The following XKR4 variants were observed in gnomAD, a reference collection of about 807,000 sequenced individuals.
XKR4 encodes the protein XK-related protein 4.
In XKR4, 12 loss-of-function variants were observed where a neutral mutation model predicts 53.9. The ratio of observed to expected loss-of-function variants is 0.22; its 90% CI spans 0.14 to 0.36. The LOEUF is 0.36. Among genes scored for constraint, XKR4 ranks in the 10% least tolerant of loss-of-function variants. The probability of loss-of-function intolerance (pLI) is 1.00; values close to 1 mark genes in which losing one functional copy is unlikely to be tolerated. For synonymous variants in XKR4, 354 were observed against 362.4 expected, an observed-to-expected ratio of 0.98 and a Z score of 0.26; for missense variants, 799 against 859.5, an observed-to-expected ratio of 0.93 and a Z score of 0.88.
chr8:55,513,921 G>A (rs985677565), intron 2 of XKR4, among the ~76,000 whole-genome samples: 2 of 152,206 alleles, frequency 1.3e-5, no homozygotes, highest in South Asian at 4.1e-4. Context: ...AAATGAGTGA[G>A]GGGCCAGGAA....
chr8:55,219,952 G>A lies in XKR4; in HGVS notation c.806+116658G>A, dbSNP rs6999764. ...TGTTTAGGCAATGGATTTTTTATGG[G>A]CACTAATCTGGAATTTTGTAAGAAT... On this transcript the variant is annotated intron_variant, in intron 1 of 2. Coordinates refer to ENST00000327381, the MANE Select transcript of XKR4 (RefSeq NM_052898.2). Among the ~76,000 whole-genome samples, 1,324 of 152,090 alleles carry A rather than the reference G, an allele frequency of 8.7e-3. 14 individuals are homozygous for A. Among genetic ancestry groups the A allele is most frequent in the Middle Eastern group, 0.031 (9 of 294 alleles).
intron 2 of XKR4, chr8:55,454,626 C>G: frequency 8.2e-7 from 1 of 1,215,964 alleles, no homozygotes; most frequent in East Asian, 2.4e-5. Flanking sequence ...TCTACTAGCC[C>G]CCAGCCAGGG....
chr8:55,444,151 A>G (rs909510989), intron 2 of XKR4, among the ~76,000 whole-genome samples: 1 of 152,260 alleles, frequency 6.6e-6, no homozygotes, highest in Admixed American at 6.5e-5. Flanking sequence ...AGCCTGGGCA[A>G]CAGAGCCAGA....
At chr8:55,126,580 G>A (rs1168469824) in intron 1 of XKR4, among the ~76,000 whole-genome samples, 1 of 152,154 alleles carries the variant, frequency 6.6e-6, no homozygotes, top group Non-Finnish European at 1.5e-5. Flanking sequence ...GGGTAGAGGT[G>A]GAATATGATG....
At chr8:55,153,662 GA>G (rs1816867741) in intron 1 of XKR4, among the ~76,000 whole-genome samples, 1 of 152,200 alleles carries the variant, frequency 6.6e-6, no homozygotes, top group Admixed American at 6.5e-5. Context: ...GGATTAAGAA[GA>G]ATTCCTTTCT....
chr8:55,157,380 G>A (rs576963991), intron 1 of XKR4, among the ~76,000 whole-genome samples: 1 of 152,276 alleles, frequency 6.6e-6, no homozygotes, highest in Admixed American at 6.5e-5. Context: ...TAGATAACAT[G>A]ATAAGAGGGA....
At chr8:55,464,574 A>C (rs1292737929) in intron 2 of XKR4, among the ~76,000 whole-genome samples, 2 of 152,192 alleles carry the variant, frequency 1.3e-5, no homozygotes, top group Non-Finnish European at 2.9e-5. Flanking sequence ...GAAAACTGGC[A>C]CAAGACAGGG....
intron 2 of XKR4, among the ~76,000 whole-genome samples, chr8:55,478,935 C>T (rs1156640576): frequency 6.6e-6 from 1 of 151,990 alleles, no homozygotes; most frequent in Admixed American, 6.6e-5. Flanking sequence ...ACTTAGACTC[C>T]CACACAATAA....
At chr8:55,484,532 A>G (rs950069866) in intron 2 of XKR4, among the ~76,000 whole-genome samples, 1 of 152,220 alleles carries the variant, frequency 6.6e-6, no homozygotes, top group Non-Finnish European at 1.5e-5. Context: ...AAATCAATCA[A>G]TGTAATCCAC....
intron 2 of XKR4, among the ~76,000 whole-genome samples, chr8:55,520,180 T>C (rs915367082): frequency 6.6e-6 from 1 of 152,230 alleles, no homozygotes. Context: ...CTGTGGCAGT[T>C]GTGAATTTGT....
At chr8:55,254,518 C>T (rs1818407237) in intron 1 of XKR4, among the ~76,000 whole-genome samples, 1 of 152,148 alleles carries the variant, frequency 6.6e-6, no homozygotes, top group African/African-American at 2.4e-5. Flanking sequence ...TAAACAATCT[C>T]ATGGAACTCG....
chr8:55,131,338 T>C (rs1816551796), intron 1 of XKR4, among the ~76,000 whole-genome samples: 2 of 152,188 alleles, frequency 1.3e-5, no homozygotes, highest in African/African-American at 4.8e-5. Context: ...CCTCCTGCAT[T>C]TAAGTTCATT....
chr8:55,466,420 G>T (rs1805770345), intron 2 of XKR4, among the ~76,000 whole-genome samples: 1 of 151,924 alleles, frequency 6.6e-6, no homozygotes, highest in Non-Finnish European at 1.5e-5. Flanking sequence ...TCACTCATAG[G>T]TGGGAATTGA....
At chr8:55,378,371 A>G (rs1277828050) in intron 2 of XKR4, among the ~76,000 whole-genome samples, 2 of 152,192 alleles carry the variant, frequency 1.3e-5, no homozygotes, top group South Asian at 2.1e-4. Flanking sequence ...CTAACTGGCT[A>G]TTTTTATTGC....
At chr8:55,413,417 G>C (rs1804802881) in intron 2 of XKR4, among the ~76,000 whole-genome samples, 1 of 152,036 alleles carries the variant, frequency 6.6e-6, no homozygotes, top group African/African-American at 2.4e-5. Flanking sequence ...ATGGAGACGG[G>C]GTTTCACCAG....
At chr8:55,483,844 C>T (rs773102204) in intron 2 of XKR4, among the ~76,000 whole-genome samples, 1 of 149,708 alleles carries the variant, frequency 6.7e-6, no homozygotes, top group Non-Finnish European at 1.5e-5. Flanking sequence ...GAGAAGACAG[C>T]AATGTAAGTG....
intron 1 of XKR4, among the ~76,000 whole-genome samples, chr8:55,108,152 G>T (rs1433005334): frequency 6.6e-6 from 1 of 152,162 alleles, no homozygotes; most frequent in African/African-American, 2.4e-5. Flanking sequence ...TCTGAGTAAA[G>T]TGGGACATTG....
intron 2 of XKR4, chr8:55,454,464 C>G: frequency 1.7e-6 from 2 of 1,181,806 alleles, no homozygotes; most frequent in Non-Finnish European, 2.5e-6. Context: ...AAGAGAACCT[C>G]GTGCTCCATG....
At chr8:55,520,199 A>G (rs112414032) in intron 2 of XKR4, among the ~76,000 whole-genome samples, 1 of 152,256 alleles carries the variant, frequency 6.6e-6, no homozygotes, top group African/African-American at 2.4e-5. Context: ...GTGAAGTTGT[A>G]AGGGTCTTAA....
Sources: allele counts gnomAD v4.1 joint callset (sites outside exome capture counted in the v4.1 genomes callset), GRCh38; gene constraint gnomAD v4.1.1; transcripts MANE v1.5; gene names NCBI Gene and HGNC (gene_info 2026-07-23, HGNC 2026-07-21).